Variants in BLTP1 observed in about 807,000 individuals in gnomAD.
The protein encoded by BLTP1 is bridge-like lipid transfer protein family member 1, also known as fragile site-associated protein.
chr4:122,279,633 T>A, the BLTP1 span: 17 of 915,238 alleles, frequency 1.9e-5, no homozygotes, highest in Non-Finnish European at 2.5e-5. Flanking sequence ...AATCTACACT[T>A]TTTTTGTAAT....
the BLTP1 span, chr4:122,236,700 A>G: frequency 1.1e-6 from 1 of 874,334 alleles, no homozygotes; most frequent in Non-Finnish European, 1.4e-6. Context: ...GAATATTTGC[A>G]GGGAATTTAT....
chr4:122,171,999 T>C, the BLTP1 span: 1 of 864,538 alleles, frequency 1.2e-6, no homozygotes, highest in Non-Finnish European at 1.4e-6. Context: ...CAGTGATTTA[T>C]AGTAAAAATT....
chr4:122,265,976 G>A, the BLTP1 span, among the ~76,000 whole-genome samples: 58 of 152,310 alleles, frequency 3.8e-4, no homozygotes, highest in African/African-American at 1.3e-3. Context: ...TTACAGGCAT[G>A]AGCCACCGTG....
At chr4:122,339,155 A>C in the BLTP1 span, 1 of 1,555,780 alleles carries the variant, frequency 6.4e-7, no homozygotes, top group Non-Finnish European at 8.7e-7. Context: ...TTCTATTTAA[A>C]ACTTTTCTTT....
At chr4:122,162,338 C>A in the BLTP1 span, among the ~76,000 whole-genome samples, 7 of 152,156 alleles carry the variant, frequency 4.6e-5, no homozygotes, top group Admixed American at 2.0e-4. Flanking sequence ...TATATTCCAG[C>A]TTAAGCCTGA....
the BLTP1 span, chr4:122,183,632 T>A: frequency 2.3e-6 from 1 of 426,278 alleles, no homozygotes; most frequent in Non-Finnish European, 3.1e-6. Context: ...GCTTTGACTC[T>A]ACAAGTTACA....
the BLTP1 span, among the ~76,000 whole-genome samples, chr4:122,291,272 T>C: frequency 6.6e-6 from 1 of 152,180 alleles, no homozygotes; most frequent in African/African-American, 2.4e-5. Context: ...AAAGTGTAAA[T>C]CACATATGAT....
At chr4:122,233,663 T>G in the BLTP1 span, among the ~76,000 whole-genome samples, 3 of 152,198 alleles carry the variant, frequency 2.0e-5, no homozygotes, top group Non-Finnish European at 4.4e-5. Flanking sequence ...ACATTTTTCC[T>G]TCTGTCTTCT....
At chr4:122,255,035 A>G in the BLTP1 span, 1 of 1,501,228 alleles carries the variant, frequency 6.7e-7, no homozygotes, top group South Asian at 1.3e-5. Context: ...TTATTGGAAA[A>G]TATCAGATTT....
chr4:122,340,055 A>G, the BLTP1 span, among the ~76,000 whole-genome samples: 2 of 152,160 alleles, frequency 1.3e-5, no homozygotes, highest in African/African-American at 4.8e-5. Flanking sequence ...CTCTGAAAAA[A>G]AGAGACTAGA....
At chr4:122,258,751 C>T in the BLTP1 span, 2 of 1,613,944 alleles carry the variant, frequency 1.2e-6, no homozygotes, top group Non-Finnish European at 1.7e-6. Flanking sequence ...TAACCGGCCT[C>T]CACCTGGTAG....
chr4:122,246,299 G>C, the BLTP1 span: 3 of 1,562,868 alleles, frequency 1.9e-6, no homozygotes, highest in Non-Finnish European at 2.6e-6. Flanking sequence ...CATACCAAAG[G>C]TAACAATTTA....
At chr4:122,271,379 T>C in the BLTP1 span, 1 of 1,613,882 alleles carries the variant, frequency 6.2e-7, no homozygotes, top group East Asian at 2.2e-5. Context: ...CTTTCGTTCA[T>C]CTGACTTTAG....
At chr4:122,170,305 C>CAAAAAAAAAAAAAAAAAAAAAAAAATAAA in the BLTP1 span, 1 of 670,146 alleles carries the variant, frequency 1.5e-6, no homozygotes, top group African/African-American at 3.1e-5. Flanking sequence ...AACTCCTTCT[C>CAAAAAAAAAAAAAAAAAAAAAAAAATAAA]AAAAAAAAAA....
At chr4:122,239,413 A>T in the BLTP1 span, 6 of 949,432 alleles carry the variant, frequency 6.3e-6, no homozygotes, top group Non-Finnish European at 9.0e-6. Flanking sequence ...TTACTTGTAA[A>T]GTACATGATT....
At chr4:122,154,234 G>A in the BLTP1 span, 1 of 836,186 alleles carries the variant, frequency 1.2e-6, no homozygotes. Context: ...GGAGTGCAGT[G>A]GTGCGATCTT....
chr4:122,289,027 T>C, the BLTP1 span: 3 of 1,536,528 alleles, frequency 2.0e-6, no homozygotes, highest in Admixed American at 2.0e-5. Context: ...GTGATTTATG[T>C]AAGAAAAAAG....
At chr4:122,257,171 T>A in the BLTP1 span, 9 of 1,348,226 alleles carry the variant, frequency 6.7e-6, no homozygotes, top group Non-Finnish European at 9.2e-6. Flanking sequence ...TATTATGAGA[T>A]TTGAATAAAT....
the BLTP1 span, chr4:122,174,766 T>C: frequency 1.6e-5 from 14 of 860,036 alleles, no homozygotes; most frequent in Non-Finnish European, 2.2e-5. Flanking sequence ...TAAAACTAAA[T>C]CAAATTTTTT....
Sources: gnomAD v4.1 joint callset for allele counts (sites outside exome capture counted in the v4.1 genomes callset) on GRCh38, gnomAD v4.1.1 for gene constraint, MANE v1.5 for transcripts, NCBI Gene and HGNC (gene_info 2026-07-23, HGNC 2026-07-21) for gene names.